HAO1: variants seen among roughly 807,000 people sequenced by gnomAD.
HAO1 encodes the protein hydroxyacid oxidase 1, also known as 2-Hydroxyacid oxidase 1.
Under a neutral mutation model 39.7 loss-of-function variants are expected in HAO1, and 34 were observed. The observed-to-expected ratio is 0.86, with a 90% CI of 0.65 to 1.14. The LOEUF is 1.14. HAO1 is among the 50% of genes most tolerant of loss of function. The pLI is 0.00. For synonymous variants in HAO1, 172 were observed against 173.2 expected, an observed-to-expected ratio of 0.99 and a Z score of 0.05; for missense variants, 479 against 464.5, an observed-to-expected ratio of 1.03 and a Z score of -0.29.
At chr20:7,938,777 T>C (rs546145961) in intron 1 of HAO1, among the ~76,000 whole-genome samples, 5 of 152,160 alleles carry the variant, frequency 3.3e-5, no homozygotes, top group Admixed American at 6.6e-5. Flanking sequence ...GGACAGGAAC[T>C]TTGTCTGGCT....
chr20:7,924,508 T>A lies in HAO1; in HGVS notation c.289+9976A>T, dbSNP rs73895442. Among the ~76,000 whole-genome samples the A allele has an allele frequency of 6.3e-3, 955 of 152,130 alleles. 8 individuals carry two copies. Among genetic ancestry groups the A allele is most frequent in the African/African-American group, 0.021 (892 of 41,526 alleles). The stretch of plus-strand genomic sequence containing the variant: ...AAGGGAATTATAATATATTTGAGAA[T>A]GATGTTCATCCACAGCCACCACCAC... On this transcript the variant is annotated intron_variant, in intron 2 of 7. Coordinates refer to ENST00000378789, the MANE Select transcript of HAO1 (RefSeq NM_017545.3).
At chr20:7,935,176 C>T (rs549384731) in intron 1 of HAO1, among the ~76,000 whole-genome samples, 1 of 152,100 alleles carries the variant, frequency 6.6e-6, no homozygotes, top group South Asian at 2.1e-4. Flanking sequence ...TGTTGTTGTA[C>T]GTGTCAATAG....
chr20:7,906,411 C>A, intron 3 of HAO1, 82 bp from the exon 4 acceptor site: 3 of 793,736 alleles, frequency 3.8e-6, no homozygotes, highest in South Asian at 1.6e-5. Flanking sequence ...AAAATGTTAC[C>A]CTTTTCAAAT....
intron 4 of HAO1, among the ~76,000 whole-genome samples, chr20:7,898,936 A>G (rs2050209130): frequency 7.8e-6 from 1 of 128,078 alleles, no homozygotes. Context: ...CTGAACTTCA[A>G]GTCAAATGTA....
intron 7 of HAO1, among the ~76,000 whole-genome samples, chr20:7,885,172 A>G (rs1055137231): frequency 6.6e-6 from 1 of 152,148 alleles, no homozygotes; most frequent in African/African-American, 2.4e-5. Flanking sequence ...AGTTTTGGAC[A>G]GGTAAGAGTT....
intron 2 of HAO1, among the ~76,000 whole-genome samples, chr20:7,920,792 G>T (rs79717119): frequency 0.01 from 1,528 of 152,194 alleles, 25 homozygotes; most frequent in African/African-American, 0.033. Flanking sequence ...TACTTAGGTT[G>T]ATGGCATATC....
intron 4 of HAO1, 152 bp from the exon 5 acceptor site, chr20:7,895,376 G>A (rs1018436311): frequency 2.2e-5 from 12 of 549,446 alleles, no homozygotes; most frequent in East Asian, 8.4e-5. Flanking sequence ...TAGGGTTAGC[G>A]CTAGAATATT....
intron 2 of HAO1, among the ~76,000 whole-genome samples, chr20:7,914,991 G>T (rs1329420070): frequency 6.6e-6 from 1 of 152,080 alleles, no homozygotes; most frequent in African/African-American, 2.4e-5. Context: ...GTGGTCATGG[G>T]CGCCTGTAGT....
chr20:7,886,325 C>G (rs1269884982), intron 5 of HAO1, among the ~76,000 whole-genome samples: 1 of 151,994 alleles, frequency 6.6e-6, no homozygotes, highest in East Asian at 1.9e-4. Context: ...AGGTGCCCAC[C>G]ACCATGCCTA....
intron 4 of HAO1, among the ~76,000 whole-genome samples, chr20:7,901,368 A>C (rs1408081019): frequency 6.6e-6 from 1 of 152,160 alleles, no homozygotes; most frequent in African/African-American, 2.4e-5. Context: ...TTTCATAGCT[A>C]GAGAGGAGAA....
rs570673537 is a variant in HAO1 at position 7,931,916 on chromosome 20, C to A, written c.289+2568G>T. 2.0e-5 allele frequency among the ~76,000 whole-genome samples: 3 copies of A among 152,316 alleles called. No individual in the cohort carries two copies. In the South Asian group the frequency reaches 6.2e-4, roughly 32 times the overall value. On this transcript the variant is annotated intron_variant, in intron 2 of 7. Coordinates refer to ENST00000378789, the MANE Select transcript of HAO1 (RefSeq NM_017545.3). ...CTTGCCCACAAAACAGGGACAGAAACACCTGTCAAATATCAAATAAAGCAA... is the reference window on the plus strand; with the variant it reads ...CTTGCCCACAAAACAGGGACAGAAAAACCTGTCAAATATCAAATAAAGCAA...
At chr20:7,884,907 C>T (rs144407743) in intron 7 of HAO1, among the ~76,000 whole-genome samples, 6 of 152,256 alleles carry the variant, frequency 3.9e-5, no homozygotes, top group East Asian at 1.9e-4. Flanking sequence ...TGAGAATAGA[C>T]GTGCCCACCC....
intron 4 of HAO1, among the ~76,000 whole-genome samples, chr20:7,903,856 AGCGGTG>A (rs1277251528): frequency 2.9e-4 from 3 of 10,356 alleles, no homozygotes; most frequent in African/African-American, 1.0e-3. Context: ...AGATTGTGGT[AGCGGTG>A]GTGGTGGTGG....
intron 2 of HAO1, among the ~76,000 whole-genome samples, chr20:7,930,173 A>G (rs967448785): frequency 6.6e-6 from 1 of 151,990 alleles, no homozygotes; most frequent in Non-Finnish European, 1.5e-5. Flanking sequence ...CCTGGCCCCA[A>G]CTTCTCTTCC....
At chr20:7,908,153 G>A (rs761606431) in intron 3 of HAO1, among the ~76,000 whole-genome samples, 1 of 152,110 alleles carries the variant, frequency 6.6e-6, no homozygotes, top group Non-Finnish European at 1.5e-5. Flanking sequence ...ACTTTGGGAG[G>A]CCGAGGTGGG....
intron 1 of HAO1, among the ~76,000 whole-genome samples, chr20:7,935,258 C>T (rs1195710778): frequency 6.6e-6 from 1 of 152,112 alleles, no homozygotes; most frequent in Non-Finnish European, 1.5e-5. Context: ...CATTCCCAAG[C>T]TAAAAGACAT....
intron 4 of HAO1, 92 bp from the exon 5 acceptor site, chr20:7,895,316 G>A (rs938606215): frequency 2.9e-5 from 23 of 783,568 alleles, no homozygotes; most frequent in Non-Finnish European, 4.6e-5. Flanking sequence ...AATGGAGGCT[G>A]ACTCCCATCT....
intron 5 of HAO1, 56 bp downstream of exon 5, chr20:7,895,075 AAC>A: frequency 9.6e-7 from 1 of 1,038,578 alleles, no homozygotes; most frequent in Non-Finnish European, 1.5e-6. Flanking sequence ...TAGAGATAGT[AAC>A]ACAGTGATGG....
intron 2 of HAO1, among the ~76,000 whole-genome samples, chr20:7,923,931 C>T (rs2247673): frequency 0.31 from 47,442 of 151,912 alleles, 8,828 homozygotes; most frequent in East Asian, 0.51. Flanking sequence ...TCATTGAAAA[C>T]GGGAGGGAAA....
Sources: gnomAD v4.1 joint callset for allele counts (sites outside exome capture counted in the v4.1 genomes callset) on GRCh38, gnomAD v4.1.1 for gene constraint, MANE v1.5 for transcripts, NCBI Gene and HGNC (gene_info 2026-07-23, HGNC 2026-07-21) for gene names.